TBCD: variants seen among roughly 807,000 people sequenced by gnomAD.
TBCD encodes the protein tubulin-specific chaperone D.
A neutral mutation model predicts 169.3 loss-of-function variants in TBCD; 105 were observed. The ratio of observed to expected loss-of-function variants is 0.62; its 90% CI spans 0.53 to 0.73. The LOEUF (loss-of-function observed/expected upper bound fraction) is 0.73, where lower values mean the gene tolerates loss of function less well. TBCD is among the 30% of genes least tolerant of loss of function. The pLI is 0.00. For synonymous variants in TBCD, 700 were observed against 643.9 expected, an observed-to-expected ratio of 1.09 and a Z score of -1.32; for missense variants, 1,444 against 1,600.1, an observed-to-expected ratio of 0.90 and a Z score of 1.66.
chr17:82,831,088 C>T lies in TBCD; in HGVS notation c.1318+16154C>T, dbSNP rs779749801. 32 of 1,614,048 alleles carry T rather than the reference C, an allele frequency of 2.0e-5. No homozygotes were observed. The highest frequency in any genetic ancestry group is 8.3e-5 in the Admixed American group (5 of 60,008). ...GCATTCTGTGCTTTTCTTAACAGGC[C>T]TGAAGGCTGTGAGGCTTTGCTCTGG... On this transcript the variant is annotated intron_variant, in intron 13 of 38. Transcript: ENST00000355528. The surrounding 1 kb of genome is among the most constrained non-coding windows in gnomAD (Gnocchi z 4.6).
chr17:82,809,426 G>A (rs542010319), intron 11 of TBCD, among the ~76,000 whole-genome samples: 3 of 152,296 alleles, frequency 2.0e-5, no homozygotes, highest in South Asian at 4.1e-4. Context: ...ACCCTCAGCC[G>A]TCACTGGTGG....
chr17:82,806,807 C>T lies in TBCD; in HGVS notation c.1087+796C>T, dbSNP rs1472577776. ...GTTGCCAGCCCCGAGCCAGCATCCACTCCGGCCCTTCCCTTGACCTTTGCT... is the reference window on the plus strand; with the variant it reads ...GTTGCCAGCCCCGAGCCAGCATCCATTCCGGCCCTTCCCTTGACCTTTGCT... On this transcript the variant is annotated intron_variant, in intron 10 of 38. Transcript: ENST00000355528. The surrounding 1 kb of genome is among the most constrained non-coding windows in gnomAD (Gnocchi z 5.1). 6.6e-6 allele frequency among the ~76,000 whole-genome samples: 1 copy of T among 152,234 alleles called. No individual in the cohort carries two copies. Among genetic ancestry groups the T allele is most frequent in the African/African-American group, 2.4e-5 (1 of 41,466 alleles).
rs9390 is a variant in TBCD, at chr17:82,941,405, G to C, written c.3486G>C (p.Ala1162=). 1 of 1,591,196 alleles carries C rather than the reference G, an allele frequency of 6.3e-7. No individual in the cohort carries two copies. The highest frequency in any genetic ancestry group is 2.3e-5 in the East Asian group (1 of 44,178). The change falls in exon 38 of 39, where the codon GCG becomes GCC. Residue 1162 remains alanine, a synonymous_variant. Coordinates refer to ENST00000355528, the MANE Select transcript of TBCD (RefSeq NM_005993.5). ...VTVLSDTAWD[A]ELAVVREQRN... ...GCTCTCCCTCTCCTCACAGGGACGC[G>C]GAGCTTGCAGTGGTGAGAGAGCAGC... is the stretch of plus-strand genomic sequence containing the variant.
At chr17:82,808,723 G>A (rs1468928726) in intron 11 of TBCD, among the ~76,000 whole-genome samples, 1 of 144,126 alleles carries the variant, frequency 6.9e-6, no homozygotes, top group Non-Finnish European at 1.5e-5. Flanking sequence ...TGAGGCAGGT[G>A]CAGGGGCCGG....
At chr17:82,759,888 G>GTTTT (rs71885635) in intron 2 of TBCD, among the ~76,000 whole-genome samples, 7 of 121,490 alleles carry the variant, frequency 5.8e-5, no homozygotes, top group East Asian at 4.7e-4. Flanking sequence ...TCGTTTGTTT[G>GTTTT]TTTTTTTTTT....
chr17:82,849,750 C>G (rs77972915), intron 13 of TBCD, among the ~76,000 whole-genome samples: 1,976 of 152,332 alleles, frequency 0.013, 60 homozygotes, highest in African/African-American at 0.045. Flanking sequence ...GGTGGCTTTG[C>G]GTCATGTCAC....
intron 9 of TBCD, among the ~76,000 whole-genome samples, chr17:82,803,289 G>T (rs1041785738): frequency 6.6e-6 from 1 of 152,184 alleles, no homozygotes; most frequent in African/African-American, 2.4e-5. Context: ...GCCTTTCAGG[G>T]ACTTAGGTGA....
In TBCD at chr17:82,864,103, ACGCTC is replaced by A. The variant is rs2056985980; in HGVS notation, c.1319-6119_1319-6115del. Among the ~76,000 whole-genome samples, 1 of 152,206 alleles carries A rather than the reference ACGCTC, an allele frequency of 6.6e-6. No individual in the cohort carries two copies. The highest frequency in any genetic ancestry group is 2.4e-5 in the African/African-American group (1 of 41,440). On this transcript the variant is annotated intron_variant, in intron 13 of 38. Transcript: ENST00000355528. The surrounding 1 kb of genome is among the most constrained non-coding windows in gnomAD (Gnocchi z 6.3). Reference sequence around the variant, plus strand: ...CAGTGAAGGGAGCTGCCTGCTGTTGACGCTCCACAGGAGGTTTGCGGCATGGCTGC... The same window carrying A: ...CAGTGAAGGGAGCTGCCTGCTGTTGACACAGGAGGTTTGCGGCATGGCTGC...
intron 21 of TBCD, chr17:82,908,254 G>A (rs1299612399): frequency 1.8e-5 from 8 of 455,624 alleles, no homozygotes; most frequent in Non-Finnish European, 3.5e-5. Flanking sequence ...TCCTGGTGGA[G>A]TTGGGGGCAC....
intron 12 of TBCD, among the ~76,000 whole-genome samples, chr17:82,812,466 GC>G (rs1372214757): frequency 4.6e-5 from 7 of 152,106 alleles, no homozygotes; most frequent in Admixed American, 1.3e-4. Context: ...AGACCCCAGA[GC>G]CCCCCCGCAG....
rs577990249 is a variant in TBCD, at chr17:82,757,530, G to A, written c.235+1315G>A. 4.6e-4 allele frequency among the ~76,000 whole-genome samples: 70 copies of A among 151,768 alleles called. No homozygotes were observed. The South Asian group carries it at 0.014, about 31-fold the overall frequency. ...CCAGTTACTTGGGAGGCTGAGGCAG[G>A]AGAATGGCGTGAACCCGGGAGGCGG... is the stretch of plus-strand genomic sequence containing the variant. On this transcript the variant is annotated intron_variant, in intron 2 of 38. Coordinates refer to ENST00000355528, the MANE Select transcript of TBCD (RefSeq NM_005993.5).
chr17:82,797,331 A>G (rs2050172408), intron 7 of TBCD, among the ~76,000 whole-genome samples: 1 of 152,246 alleles, frequency 6.6e-6, no homozygotes, highest in Admixed American at 6.5e-5. Flanking sequence ...GCATGAATGC[A>G]GATGGAGGCC....
intron 13 of TBCD, chr17:82,858,479 C>T: frequency 1.4e-6 from 1 of 731,488 alleles, no homozygotes; most frequent in Middle Eastern, 6.8e-4. Flanking sequence ...GCAGGTTGGC[C>T]AGTCTGGCTG....
chr17:82,823,082 G>A (rs1323647976), intron 13 of TBCD, among the ~76,000 whole-genome samples: 1 of 152,262 alleles, frequency 6.6e-6, no homozygotes, highest in African/African-American at 2.4e-5. Flanking sequence ...AGGCTCTGGA[G>A]CACTGAGGTG....
chr17:82,842,156 C>A (rs749713747), intron 13 of TBCD, among the ~76,000 whole-genome samples: 1 of 152,188 alleles, frequency 6.6e-6, no homozygotes, highest in African/African-American at 2.4e-5. Flanking sequence ...GCCCGGAAGC[C>A]CCACCTTGGC....
chr17:82,778,082 TC>T (rs2048713362), intron 6 of TBCD, among the ~76,000 whole-genome samples: 1 of 152,218 alleles, frequency 6.6e-6, no homozygotes, highest in African/African-American at 2.4e-5. Flanking sequence ...GCCTGGCTTT[TC>T]CTAGGTTATG....
chr17:82,860,262 C>T (rs558282396), intron 13 of TBCD: 37 of 540,710 alleles, frequency 6.8e-5, no homozygotes, highest in East Asian at 1.5e-4. Context: ...CGGGTAGGAG[C>T]GCCCTGGCTT....
intron 12 of TBCD, among the ~76,000 whole-genome samples, chr17:82,810,781 G>A (rs985769813): frequency 2.0e-5 from 3 of 152,228 alleles, no homozygotes; most frequent in South Asian, 4.1e-4. Context: ...ACACCGTGGC[G>A]AAAGCTGTGC....
chr17:82,879,079 T>C (rs1343171410), intron 14 of TBCD, among the ~76,000 whole-genome samples: 142 of 71,156 alleles, frequency 2.0e-3, no homozygotes, highest in Admixed American at 0.012. Flanking sequence ...TTTTTTTTTT[T>C]CTTTTTTCCT....
Sources: gnomAD v4.1 joint callset for allele counts (sites outside exome capture counted in the v4.1 genomes callset) on GRCh38, gnomAD v4.1.1 for gene constraint, Gnocchi (gnomAD v3.1) non-coding constraint, MANE v1.5 for transcripts, NCBI Gene and HGNC (gene_info 2026-07-23, HGNC 2026-07-21) for gene names.